The following HDAC9 variants were observed in gnomAD, a reference collection of about 807,000 sequenced individuals.
HDAC9 encodes MEF-2 interacting transcription repressor (MITR) protein.
A neutral mutation model predicts 139.4 loss-of-function variants in HDAC9; 41 were observed. The ratio of observed to expected loss-of-function variants is 0.29; its 90% CI spans 0.23 to 0.38. The LOEUF (loss-of-function observed/expected upper bound fraction) is 0.38, where lower values mean the gene tolerates loss of function less well. Ranked by LOEUF, HDAC9 falls within the 10% of genes least tolerant of loss-of-function variation. HDAC9 has a pLI of 1.00. For synonymous variants in HDAC9, 517 were observed against 476.2 expected (o/e 1.09, Z -1.12); for missense variants, 1,147 against 1,297.0 (o/e 0.88, Z 1.78).
chr7:18,577,652 G>A (rs149156057), intron 2 of HDAC9, among the ~76,000 whole-genome samples: 126 of 152,126 alleles, frequency 8.3e-4, no homozygotes, highest in African/African-American at 3.0e-3. Flanking sequence ...TATTTCCATT[G>A]TATTTAGCAG....
Position 18,971,455 on chromosome 7 carries a change from G to A in HDAC9, c.3023-4351G>A, listed in dbSNP as rs116313434. On this transcript the variant is annotated intron_variant, in intron 24 of 25. Coordinates refer to ENST00000686413, the MANE Select transcript of HDAC9 (RefSeq NM_178425.4). The stretch of plus-strand genomic sequence containing the variant: ...AGCAGTCAACCTTTGTTCATTTCTC[G>A]TATGTGATAATGGTGATATTATTCC... Among the ~76,000 whole-genome samples, 685 of 152,238 alleles carry A rather than the reference G, an allele frequency of 4.5e-3. 6 individuals are homozygous for A. The highest frequency in any genetic ancestry group is 0.016 in the African/African-American group (658 of 41,540).
upstream of HDAC9, among the ~76,000 whole-genome samples, chr7:18,286,926 G>C (rs1025215961): frequency 8.6e-5 from 13 of 151,962 alleles, no homozygotes; most frequent in African/African-American, 1.9e-4. Flanking sequence ...TTCCTGTGTG[G>C]GCTCTGACTA....
chr7:18,568,010 C>A, intron 2 of HDAC9, among the ~76,000 whole-genome samples: 1 of 98,312 alleles, frequency 1.0e-5, no homozygotes, highest in African/African-American at 4.5e-5. Flanking sequence ...TTTATACATA[C>A]AGGATATATG....
At chr7:18,427,100 T>G (rs1790185765) in intron 1 of HDAC9, among the ~76,000 whole-genome samples, 1 of 152,190 alleles carries the variant, frequency 6.6e-6, no homozygotes, top group African/African-American at 2.4e-5. Context: ...CTAGCTGGTA[T>G]TAACCGGCTG....
At chr7:18,184,527 A>G (rs12375225) in intron 2 of HDAC9, among the ~76,000 whole-genome samples, 31,786 of 152,192 alleles carry the variant, frequency 0.21, 3,694 homozygotes, top group African/African-American at 0.32. Flanking sequence ...AATATTTTAA[A>G]TAATTTTGTG....
At chr7:18,091,539 A>G (rs532788396) in intron 1 of HDAC9, among the ~76,000 whole-genome samples, 180 of 152,382 alleles carry the variant, frequency 1.2e-3, no homozygotes, top group African/African-American at 4.0e-3. Flanking sequence ...TAACTTAGTT[A>G]ATATAAGCAT....
At chr7:18,316,549 G>A (rs530100278) in intron 1 of HDAC9, among the ~76,000 whole-genome samples, 2 of 147,640 alleles carry the variant, frequency 1.4e-5, no homozygotes, top group South Asian at 2.1e-4. Flanking sequence ...CATAATCTCC[G>A]TACTTGGGAG....
At chr7:18,111,165 G>C (rs936547541) in intron 1 of HDAC9, among the ~76,000 whole-genome samples, 2 of 152,170 alleles carry the variant, frequency 1.3e-5, no homozygotes, top group African/African-American at 4.8e-5. Flanking sequence ...AGAGACAGAC[G>C]TAAATAATTA....
chr7:18,987,146 A>G (rs931651821), intron 25 of HDAC9, among the ~76,000 whole-genome samples: 1 of 152,218 alleles, frequency 6.6e-6, no homozygotes, highest in Admixed American at 6.5e-5. Flanking sequence ...GGCTTGTGCC[A>G]GTGTTCAAAG....
At position 18,824,078 on chromosome 7, in the gene HDAC9, GAAGAAGAAGAAC is replaced by G. The variant is rs1404780866; in HGVS notation, c.2323-5077_2323-5066del. 2.4e-3 allele frequency among the ~76,000 whole-genome samples: 361 copies of G among 150,736 alleles called. 1 individual carries two copies. Among genetic ancestry groups the G allele is most frequent in the Middle Eastern group, 0.01 (3 of 290 alleles). On this transcript the variant is annotated intron_variant, in intron 17 of 25. Coordinates refer to ENST00000686413, the MANE Select transcript of HDAC9 (RefSeq NM_178425.4). The stretch of plus-strand genomic sequence containing the variant: ...AGAAGAAGAAGAAGAAGAAGAAGAA[GAAGAAGAAGAAC>G]AAGAACAAGAAGGAGAAGAAGAAGA...
chr7:18,360,694 C>A (rs374753515), intron 1 of HDAC9, among the ~76,000 whole-genome samples: 1 of 152,156 alleles, frequency 6.6e-6, no homozygotes, highest in African/African-American at 2.4e-5. Context: ...GCACTCTTGG[C>A]ACCACTCATT....
chr7:18,393,907 A>G (rs1291181969), intron 1 of HDAC9, among the ~76,000 whole-genome samples: 1 of 152,192 alleles, frequency 6.6e-6, no homozygotes, highest in Non-Finnish European at 1.5e-5. Context: ...CGTGTGGGGA[A>G]GTACTTAGAG....
At chr7:18,532,241 G>GAAC (rs933018552) in intron 2 of HDAC9, among the ~76,000 whole-genome samples, 10 of 151,858 alleles carry the variant, frequency 6.6e-5, no homozygotes, top group East Asian at 1.9e-4. Context: ...CGCCATCTCA[G>GAAC]AACAACAACA....
rs1795669898 is a variant in HDAC9, at chr7:18,829,074, G to A, written c.2323-87G>A. 28 of 893,328 alleles carry A rather than the reference G, an allele frequency of 3.1e-5. No homozygotes were observed. In the South Asian group the frequency reaches 3.4e-4, roughly 11 times the overall value. The allele number at this position is 893,328 out of a possible 1,614,324, so 55.3% of individuals were successfully genotyped here. A position where few individuals can be genotyped will look rare whatever the true frequency, so the allele number is the denominator to read the frequency against. On this transcript the variant is annotated intron_variant, in intron 17 of 25. Coordinates refer to ENST00000686413, the MANE Select transcript of HDAC9 (RefSeq NM_178425.4). The stretch of plus-strand genomic sequence containing the variant: ...TTCAGTTTTGTGTGTGTGTGCCTGA[G>A]GCACTGTTGTGCCTGGAGATCCAAG...
intron 12 of HDAC9, among the ~76,000 whole-genome samples, chr7:18,674,050 C>G (rs1260375015): frequency 1.3e-5 from 2 of 151,932 alleles, no homozygotes; most frequent in Non-Finnish European, 2.9e-5. Flanking sequence ...ATGAGACCAC[C>G]ATTTAGACAG....
chr7:18,990,769 C>T (rs576329508), intron 25 of HDAC9, among the ~76,000 whole-genome samples: 51 of 152,356 alleles, frequency 3.3e-4, no homozygotes, highest in Admixed American at 2.2e-3. Context: ...TTTTTAAGCC[C>T]GTAGGAAAAG....
intron 1 of HDAC9, among the ~76,000 whole-genome samples, chr7:18,320,536 A>C (rs1442328120): frequency 6.6e-6 from 1 of 152,070 alleles, no homozygotes; most frequent in African/African-American, 2.4e-5. Context: ...AGGACTCTTG[A>C]ATTTGGCAAA....
At chr7:18,709,896 TC>T (rs1461049644) in intron 12 of HDAC9, among the ~76,000 whole-genome samples, 3 of 152,084 alleles carry the variant, frequency 2.0e-5, no homozygotes, top group Non-Finnish European at 4.4e-5. Context: ...TCTGCCAGGG[TC>T]CTCCTACACT....
chr7:18,088,042 C>T (rs1562605035), intron 1 of HDAC9: 1 of 152,208 alleles, frequency 6.6e-6, no homozygotes, highest in Admixed American at 6.5e-5. Context: ...TCTAGTGAGT[C>T]TCCTGTGCTC....
Sources: gnomAD v4.1 joint callset for allele counts (sites outside exome capture counted in the v4.1 genomes callset) on GRCh38, gnomAD v4.1.1 for gene constraint, MANE v1.5 for transcripts, NCBI Gene and HGNC (gene_info 2026-07-23, HGNC 2026-07-21) for gene names.